Variants in PHF3 observed in about 807,000 individuals in gnomAD.
PHF3 encodes PHD finger protein 3.
In PHF3, 41 loss-of-function variants were observed where a neutral mutation model predicts 178.4. The ratio of observed to expected loss-of-function variants is 0.23; its 90% CI spans 0.18 to 0.30. The LOEUF is 0.30. Among genes scored for constraint, PHF3 ranks in the 10% least tolerant of loss-of-function variants. The pLI, the probability that PHF3 is intolerant of heterozygous loss-of-function variation, is 1.00. For synonymous variants in PHF3, 842 were observed against 800.5 expected (o/e 1.05, Z -0.88); for missense variants, 2,346 against 2,398.1 (o/e 0.98, Z 0.45).
At chr6:63,709,863 C>A (rs67169857) in intron 14 of PHF3, among the ~76,000 whole-genome samples, 4 of 151,972 alleles carry the variant, frequency 2.6e-5, no homozygotes, top group Non-Finnish European at 4.4e-5. Flanking sequence ...AAAGATACTG[C>A]GAAATGGCTC....
At chr6:63,658,625 T>A (rs1765335442) in intron 2 of PHF3, among the ~76,000 whole-genome samples, 1 of 152,144 alleles carries the variant, frequency 6.6e-6, no homozygotes, top group Non-Finnish European at 1.5e-5. Flanking sequence ...CTGTTAGTAA[T>A]ATTAATTTTG....
chr6:63,698,373 A>T lies in PHF3; in HGVS notation c.2825+6A>T. ...AAAGACATTCTTATGAAGAGGTAAC[A>T]TATATTTTTATTATAGAAGTATCAA... On this transcript the variant is annotated splice_donor_region_variant and intron_variant, in intron 7 of 15. Coordinates refer to ENST00000262043, the MANE Select transcript of PHF3 (RefSeq NM_001370348.2). 2.5e-6 allele frequency: 4 copies of T among 1,597,628 alleles called. No individual in the cohort carries two copies. Among genetic ancestry groups the T allele is most frequent in the Non-Finnish European group, 1.7e-6 (2 of 1,170,646 alleles).
rs79019817 is a variant in PHF3, at chr6:63,705,932, G to A, written c.3368-97G>A. The A allele has an allele frequency of 1.9e-3, 1,683 of 878,736 alleles. 41 individuals are homozygous for A. The East Asian group carries it at 0.04, about 21-fold the overall frequency. 54.4% of individuals were successfully genotyped at this position (878,736 alleles called of 1,614,324 possible). ...GGAAATGTATGGTTACTCAGCAATT[G>A]AATCATAGAACCTGAATAACTTTAG... On this transcript the variant is annotated intron_variant, in intron 11 of 15. Transcript: ENST00000262043.
intron 2 of PHF3, among the ~76,000 whole-genome samples, chr6:63,676,325 C>A (rs1250677311): frequency 6.6e-6 from 1 of 152,176 alleles, no homozygotes; most frequent in Non-Finnish European, 1.5e-5. Flanking sequence ...AGAAGACTGT[C>A]AGATACTTAA....
At chr6:63,641,515 T>C (rs1195427040) in intron 1 of PHF3, among the ~76,000 whole-genome samples, 1 of 143,752 alleles carries the variant, frequency 7.0e-6, no homozygotes, top group Non-Finnish European at 1.5e-5. Context: ...TAGTGATTTA[T>C]TGTTAGGTGT....
At chr6:63,687,099 C>G (rs528450012) in intron 4 of PHF3, among the ~76,000 whole-genome samples, 1 of 152,162 alleles carries the variant, frequency 6.6e-6, no homozygotes, top group South Asian at 2.1e-4. Context: ...CTTACATGCT[C>G]TTAATTATAT....
At chr6:63,705,936 C>A in intron 11 of PHF3, 93 bp from the exon 12 acceptor site, 1 of 929,592 alleles carries the variant, frequency 1.1e-6, no homozygotes, top group Non-Finnish European at 1.6e-6. Context: ...GCAATTGAAT[C>A]ATAGAACCTG....
At chr6:63,646,947 T>G (rs1009128661) in intron 2 of PHF3, 152 bp downstream of exon 2, 23 of 552,370 alleles carry the variant, frequency 4.2e-5, no homozygotes, top group African/African-American at 1.6e-4. Flanking sequence ...ATTTAGAGCT[T>G]CTTTTCCAGG....
chr6:63,681,460 TGGTC>T (rs1348250834), intron 3 of PHF3, among the ~76,000 whole-genome samples: 1 of 152,098 alleles, frequency 6.6e-6, no homozygotes, highest in Non-Finnish European at 1.5e-5. Context: ...TAACAGGGAC[TGGTC>T]CCTCTGTTTT....
At chr6:63,671,891 C>T (rs1765932662) in intron 2 of PHF3, among the ~76,000 whole-genome samples, 1 of 152,192 alleles carries the variant, frequency 6.6e-6, no homozygotes, top group Non-Finnish European at 1.5e-5. Context: ...GGATTACAGG[C>T]ACGCACCACC....
Position 63,718,415 on chromosome 6 carries a change from T to C in PHF3, c.*4707T>C, listed in dbSNP as rs753085383. Among the ~76,000 whole-genome samples the C allele has an allele frequency of 6.6e-6, 1 of 152,058 alleles. No individual in the cohort carries two copies. Among genetic ancestry groups the C allele is most frequent in the Non-Finnish European group, 1.5e-5 (1 of 67,948 alleles). ...TGGCTTATATCATTATTTAGCATAC[T>C]AGAAAATCAAATGATAAACGTTAAA... On this transcript the variant is annotated 3_prime_UTR_variant, in exon 16 of 16. Transcript: ENST00000262043.
At chr6:63,681,643 A>C (rs1043158074) in intron 3 of PHF3, among the ~76,000 whole-genome samples, 1 of 151,994 alleles carries the variant, frequency 6.6e-6, no homozygotes, top group East Asian at 1.9e-4. Context: ...TTCATGTTTC[A>C]TGGATGTAGT....
chr6:63,646,802 C>G lies in PHF3; in HGVS notation c.244+7C>G. The G allele has an allele frequency of 1.0e-6, 1 of 956,566 alleles. No homozygotes were observed. Among genetic ancestry groups the G allele is most frequent in the Non-Finnish European group, 1.3e-6 (1 of 766,918 alleles). 59.3% of individuals were successfully genotyped at this position (956,566 alleles called of 1,614,324 possible). ...CAGATGCCTTGTTCAACAGGTAATT[C>G]TTACTTTTTTTTTTTTTTTTTTTTT... On this transcript the variant is annotated splice_region_variant and intron_variant, in intron 2 of 15. Transcript: ENST00000262043.
chr6:63,689,954 A>G (rs1428626215), intron 4 of PHF3, among the ~76,000 whole-genome samples: 2 of 152,188 alleles, frequency 1.3e-5, no homozygotes, highest in Non-Finnish European at 2.9e-5. Flanking sequence ...CATTTCAGAA[A>G]CATTCATGTT....
intron 5 of PHF3, 127 bp downstream of exon 5, chr6:63,692,170 T>C (rs1767036880): frequency 1.4e-6 from 1 of 725,108 alleles, no homozygotes; most frequent in African/African-American, 1.8e-5. Context: ...TAGTTTTCCA[T>C]GAAAGTGAAT....
chr6:63,656,383 C>T (rs918875785), intron 2 of PHF3, among the ~76,000 whole-genome samples: 10 of 152,034 alleles, frequency 6.6e-5, no homozygotes, highest in African/African-American at 2.4e-4. Context: ...TAAATTTATT[C>T]CATTGTATTA....
At position 63,685,924 on chromosome 6, in the gene PHF3, G is replaced by A. The variant is rs1010557677; in HGVS notation, c.2189+13G>A. ...CACATGGCAACAGGTGTGTGTGTAT[G>A]TGTGTATGAGTGATGTGTACATTGA... is the stretch of plus-strand genomic sequence containing the variant. On this transcript the variant is annotated intron_variant, in intron 4 of 15. Coordinates refer to ENST00000262043, the MANE Select transcript of PHF3 (RefSeq NM_001370348.2). 4 of 1,561,760 alleles carry A rather than the reference G, an allele frequency of 2.6e-6. No individual in the cohort carries two copies. Among genetic ancestry groups the A allele is most frequent in the Admixed American group, 1.8e-5 (1 of 56,128 alleles).
chr6:63,695,395 C>T (rs922438811), intron 6 of PHF3, among the ~76,000 whole-genome samples: 1 of 152,116 alleles, frequency 6.6e-6, no homozygotes, highest in Non-Finnish European at 1.5e-5. Flanking sequence ...CGTTCCTCTC[C>T]CTGTCTTTCA....
chr6:63,697,316 C>G (rs1421554266), intron 6 of PHF3, among the ~76,000 whole-genome samples: 1 of 151,480 alleles, frequency 6.6e-6, no homozygotes, highest in Non-Finnish European at 1.5e-5. Context: ...ATATGAAGAG[C>G]AAATCAAAAA....
Sources: gnomAD v4.1 joint callset for allele counts (sites outside exome capture counted in the v4.1 genomes callset) on GRCh38, gnomAD v4.1.1 for gene constraint, MANE v1.5 for transcripts, NCBI Gene and HGNC (gene_info 2026-07-23, HGNC 2026-07-21) for gene names.